The following SLC14A2 variants were observed in gnomAD, a reference collection of about 807,000 sequenced individuals.
The protein encoded by SLC14A2 is solute carrier family 14 member 2.
SLC14A2 carries 91 observed loss-of-function variants against 104.6 expected under a neutral mutation model. The ratio of observed to expected loss-of-function variants is 0.87; its 90% CI spans 0.73 to 1.04. SLC14A2 has a LOEUF of 1.04. SLC14A2 is among the 50% of genes least tolerant of loss of function. The pLI is 0.00. For synonymous variants in SLC14A2, 476 were observed against 466.4 expected, an observed-to-expected ratio of 1.02 and a Z score of -0.27; for missense variants, 1,189 against 1,156.0, an observed-to-expected ratio of 1.03 and a Z score of -0.41.
At chr18:45,275,448 CCATACACTG>C (rs1489461355) in intron 1 of SLC14A2, among the ~76,000 whole-genome samples, 1 of 152,148 alleles carries the variant, frequency 6.6e-6, no homozygotes, top group Non-Finnish European at 1.5e-5. Flanking sequence ...TTCCTCTTTT[CCATACACTG>C]CTCCTCTCTG....
intron 1 of SLC14A2, among the ~76,000 whole-genome samples, chr18:45,461,464 C>T (rs1418536007): frequency 1.3e-5 from 2 of 152,220 alleles, no homozygotes; most frequent in East Asian, 3.8e-4. Context: ...CTCTAGACTA[C>T]AATCTATTCC....
upstream of SLC14A2, among the ~76,000 whole-genome samples, chr18:45,209,616 T>A (rs1357786828): frequency 2.0e-5 from 3 of 152,170 alleles, no homozygotes; most frequent in Non-Finnish European, 2.9e-5. Context: ...TATTCTTGAC[T>A]GGGAAATCAG....
chr18:45,652,309 A>C (rs7243707), intron 10 of SLC14A2, among the ~76,000 whole-genome samples: 82,829 of 152,106 alleles, frequency 0.54, 22,735 homozygotes, highest in African/African-American at 0.58. Flanking sequence ...ATGAAAGAAT[A>C]CACAGGGAGC....
intron 2 of SLC14A2, among the ~76,000 whole-genome samples, chr18:45,514,481 G>A (rs905314424): frequency 6.6e-6 from 1 of 152,298 alleles, no homozygotes; most frequent in Admixed American, 6.5e-5. Context: ...ATGAGATTTG[G>A]GTGGGGACAT....
chr18:45,191,610 G>T, the SLC14A2 span, among the ~76,000 whole-genome samples: 1 of 152,196 alleles, frequency 6.6e-6, no homozygotes, highest in Non-Finnish European at 1.5e-5. Flanking sequence ...TTCAGCCAGG[G>T]TCCTCTTTTG....
intron 1 of SLC14A2, among the ~76,000 whole-genome samples, chr18:45,354,643 G>GT (rs1405861427): frequency 2.0e-5 from 3 of 152,208 alleles, no homozygotes; most frequent in African/African-American, 7.2e-5. Flanking sequence ...GGGTCAGCTT[G>GT]TATATGTCTT....
Position 45,673,007 on chromosome 18 carries a change from C to T in SLC14A2, c.2337C>T (p.Cys779=), listed in dbSNP as rs570725030. ...TGTTCATATCCTCACCTCTCATTTG[C>T]TTGCATGCAGCAATTGGATCCACCA... ...IALFISSPLI[C]LHAAIGSTMG... Residue 779 remains cysteine, a synonymous_variant, in exon 17 of 20, where the codon TGC becomes TGT. Coordinates refer to ENST00000255226, the MANE Select transcript of SLC14A2 (RefSeq NM_007163.4). The T allele has an allele frequency of 1.9e-6, 3 of 1,614,178 alleles. No individual in the cohort carries two copies. Among genetic ancestry groups the T allele is most frequent in the South Asian group, 2.2e-5 (2 of 91,084 alleles).
intron 2 of SLC14A2, among the ~76,000 whole-genome samples, chr18:45,545,943 T>TC (rs962594021): frequency 3.3e-5 from 5 of 152,198 alleles, no homozygotes; most frequent in African/African-American, 1.2e-4. Flanking sequence ...TTATTTGCAC[T>TC]CATATACTTA....
At chr18:45,362,308 A>G (rs2085620529) in intron 1 of SLC14A2, among the ~76,000 whole-genome samples, 1 of 152,202 alleles carries the variant, frequency 6.6e-6, no homozygotes, top group African/African-American at 2.4e-5. Context: ...TGTGAAAACA[A>G]ACTAACACAA....
intron 2 of SLC14A2, among the ~76,000 whole-genome samples, chr18:45,598,755 C>T (rs555123212): frequency 1.6e-3 from 240 of 152,296 alleles, no homozygotes; most frequent in African/African-American, 3.0e-3. Context: ...TCTAACAATT[C>T]GCTCTGAGAC....
In SLC14A2 at chr18:45,624,674, C is replaced by T; in HGVS notation, c.10C>T (p.Pro4Ser). The change falls in exon 2 of 20, where the codon CCC becomes TCC. Residue 4 changes from proline (P) to serine (S), a missense_variant. Physicochemically the swap from Pro to Ser is moderately conservative, Grantham distance 74. Transcript: ENST00000255226. MSD[P>S]HSSPLLPEPL... ...GCTGTGACCCGAAGGAATGTCTGAC[C>T]CCCACAGCAGTCCTCTCCTGCCAGA... The T allele has an allele frequency of 1.2e-6, 2 of 1,611,142 alleles. No individual in the cohort carries two copies. The highest frequency in any genetic ancestry group is 1.7e-6 in the Non-Finnish European group (2 of 1,178,640).
intron 1 of SLC14A2, among the ~76,000 whole-genome samples, chr18:45,314,808 A>G (rs1212768726): frequency 6.6e-6 from 1 of 152,224 alleles, no homozygotes; most frequent in Non-Finnish European, 1.5e-5. Flanking sequence ...AGCAACCACA[A>G]GCTAAGGAGC....
chr18:45,391,837 G>C (rs2144415839), intron 1 of SLC14A2, among the ~76,000 whole-genome samples: 1 of 152,348 alleles, frequency 6.6e-6, no homozygotes, highest in Admixed American at 6.5e-5. Flanking sequence ...CCGTTTGTCA[G>C]ATGAGTAGAT....
chr18:45,553,760 G>A (rs77380145), intron 2 of SLC14A2, among the ~76,000 whole-genome samples: 2,308 of 152,288 alleles, frequency 0.015, 55 homozygotes, highest in African/African-American at 0.053. Flanking sequence ...TAAGGCTTCA[G>A]TTGGCCCTAA....
chr18:45,642,458 C>T (rs148061673), intron 8 of SLC14A2, among the ~76,000 whole-genome samples: 3 of 152,340 alleles, frequency 2.0e-5, no homozygotes, highest in African/African-American at 7.2e-5. Context: ...TTTATCTCAA[C>T]ACTTCTAGTA....
At chr18:45,321,416 T>A (rs2085183995) in intron 1 of SLC14A2, among the ~76,000 whole-genome samples, 1 of 152,224 alleles carries the variant, frequency 6.6e-6, no homozygotes, top group Non-Finnish European at 1.5e-5. Flanking sequence ...CTTGATTTTT[T>A]ATTCTTCACC....
At chr18:45,434,485 T>A (rs933684437) in intron 1 of SLC14A2, among the ~76,000 whole-genome samples, 1 of 152,144 alleles carries the variant, frequency 6.6e-6, no homozygotes, top group Non-Finnish European at 1.5e-5. Flanking sequence ...GTTGTTGTTG[T>A]TGTTTGCATG....
chr18:45,361,996 G>A (rs1175075777), intron 1 of SLC14A2, among the ~76,000 whole-genome samples: 3 of 152,218 alleles, frequency 2.0e-5, no homozygotes, highest in East Asian at 1.9e-4. Flanking sequence ...ATCTCATATC[G>A]AATTATAATC....
intron 1 of SLC14A2, among the ~76,000 whole-genome samples, chr18:45,338,028 C>T (rs1421163304): frequency 6.6e-6 from 1 of 152,134 alleles, no homozygotes; most frequent in African/African-American, 2.4e-5. Flanking sequence ...ACCCTGCTCT[C>T]CACAACCCCC....
Sources: allele counts gnomAD v4.1 joint callset (sites outside exome capture counted in the v4.1 genomes callset), GRCh38; gene constraint gnomAD v4.1.1; transcripts MANE v1.5; gene names NCBI Gene and HGNC (gene_info 2026-07-23, HGNC 2026-07-21).